The following VIT variants were observed in gnomAD, a reference collection of about 807,000 sequenced individuals.
The protein encoded by VIT is vitrin.
A neutral mutation model predicts 78.0 loss-of-function variants in VIT; 99 were observed. The ratio of observed to expected loss-of-function variants is 1.27; its 90% CI spans 1.08 to 1.50. The LOEUF is 1.50. Ranked by LOEUF, VIT falls within the 40% of genes most tolerant of loss-of-function variation. The pLI is 0.00. For missense variants in VIT, 1,126 were observed against 875.3 expected (o/e 1.29, Z -3.61); for synonymous variants, 374 against 334.3 (o/e 1.12, Z -1.29).
At chr2:36,773,231 T>G (rs555391842) in intron 7 of VIT, among the ~76,000 whole-genome samples, 1 of 152,314 alleles carries the variant, frequency 6.6e-6, no homozygotes, top group South Asian at 2.1e-4. Flanking sequence ...AAATATGGCA[T>G]TTGACTAAAA....
At chr2:36,707,467 A>G (rs1665501055) in intron 1 of VIT, among the ~76,000 whole-genome samples, 1 of 152,192 alleles carries the variant, frequency 6.6e-6, no homozygotes, top group Non-Finnish European at 1.5e-5. Context: ...GACACAGCCC[A>G]CCTGGACTAG....
Position 36,755,048 on chromosome 2 carries a change from G to C in VIT, c.403G>C (p.Val135Leu). The C allele has an allele frequency of 6.2e-7, 1 of 1,613,896 alleles. No individual in the cohort carries two copies. The highest frequency in any genetic ancestry group is 8.5e-7 in the Non-Finnish European group (1 of 1,179,916). The change falls in exon 5 of 16, where the codon GTC (valine) becomes CTC (leucine). Residue 135 changes from valine to leucine, a missense_variant. Coordinates refer to ENST00000379242, the MANE Select transcript of VIT (RefSeq NM_053276.4). ...SLPRWRESFI[V>L]LESKPKKGVT... ...ACCACGATGGAGAGAATCCTTTATC[G>C]TCTTAGGTATGACCACACACTGGAG... is the stretch of plus-strand genomic sequence containing the variant.
At chr2:36,736,464 G>T (rs566627964) in intron 3 of VIT, among the ~76,000 whole-genome samples, 4 of 152,316 alleles carry the variant, frequency 2.6e-5, no homozygotes, top group Non-Finnish European at 4.4e-5. Context: ...GTCCGTGCTA[G>T]AGGGAGAAAA....
intron 7 of VIT, among the ~76,000 whole-genome samples, chr2:36,771,392 G>T (rs1669744566): frequency 6.6e-6 from 1 of 152,034 alleles, no homozygotes; most frequent in Non-Finnish European, 1.5e-5. Flanking sequence ...CAGATGCAGT[G>T]GTGTGCACCT....
intron 13 of VIT, among the ~76,000 whole-genome samples, chr2:36,803,782 A>G (rs940510641): frequency 7.9e-5 from 12 of 152,206 alleles, no homozygotes; most frequent in African/African-American, 2.2e-4. Flanking sequence ...TACTAATCCT[A>G]AAGTCTAAAG....
intron 15 of VIT, among the ~76,000 whole-genome samples, chr2:36,811,670 CT>C (rs1168391003): frequency 2.3e-3 from 334 of 143,146 alleles, no homozygotes; most frequent in South Asian, 4.9e-3. Flanking sequence ...TTCTTTCTTT[CT>C]TTTTTTTTTT....
At chr2:36,755,147 C>T in intron 5 of VIT, 93 bp downstream of exon 5, 4 of 1,342,378 alleles carry the variant, frequency 3.0e-6, no homozygotes, top group Non-Finnish European at 3.0e-6. Flanking sequence ...TATGGCCCAC[C>T]TCATTTCATA....
chr2:36,754,812 T>G, intron 4 of VIT, 109 bp from the exon 5 acceptor site: 1 of 1,302,758 alleles, frequency 7.7e-7, no homozygotes, highest in Non-Finnish European at 1.0e-6. Flanking sequence ...TTGCTTAACC[T>G]TGCTGCTTTC....
intron 1 of VIT, 28 bp from the exon 2 acceptor site, chr2:36,716,322 TATG>T: frequency 6.3e-7 from 1 of 1,592,950 alleles, no homozygotes; most frequent in African/African-American, 1.3e-5. Flanking sequence ...CCGGCTGAAA[TATG>T]ATGACGTTAT....
intron 1 of VIT, among the ~76,000 whole-genome samples, chr2:36,706,708 T>C (rs1435106331): frequency 6.6e-6 from 1 of 152,228 alleles, no homozygotes; most frequent in East Asian, 1.9e-4. Context: ...GCTGAGTCAT[T>C]TACATTTCAG....
At position 36,706,475 on chromosome 2, in the gene VIT, G is replaced by A. The variant is rs1047059881; in HGVS notation, c.-19+9502G>A. Among the ~76,000 whole-genome samples the A allele has an allele frequency of 2.0e-5, 3 of 152,168 alleles. 1 individual carries two copies. The highest frequency in any genetic ancestry group is 4.4e-5 in the Non-Finnish European group (3 of 68,038). On this transcript the variant is annotated intron_variant, in intron 1 of 15. Coordinates refer to ENST00000379242, the MANE Select transcript of VIT (RefSeq NM_053276.4). ...GACTGGAAATAGAACCTGGAAAGTG[G>A]TGAGAAATGAAGGGATCTTCTCCCC...
chr2:36,721,556 C>T (rs1294050501), intron 2 of VIT, among the ~76,000 whole-genome samples: 1 of 152,208 alleles, frequency 6.6e-6, no homozygotes, highest in African/African-American at 2.4e-5. Context: ...CACTCTTGCT[C>T]TCCATGCAAA....
At chr2:36,732,600 C>T (rs1472267879) in intron 3 of VIT, among the ~76,000 whole-genome samples, 1 of 152,014 alleles carries the variant, frequency 6.6e-6, no homozygotes, top group Non-Finnish European at 1.5e-5. Flanking sequence ...AAGGAAGGCA[C>T]ATTATTCACT....
intron 6 of VIT, among the ~76,000 whole-genome samples, chr2:36,762,888 A>G (rs1490025955): frequency 6.6e-6 from 1 of 152,070 alleles, no homozygotes; most frequent in Non-Finnish European, 1.5e-5. Flanking sequence ...TGAGGTTTAA[A>G]TACTGTTCCC....
At chr2:36,748,914 C>T (rs1000320231) in intron 4 of VIT, among the ~76,000 whole-genome samples, 1 of 152,210 alleles carries the variant, frequency 6.6e-6, no homozygotes, top group Non-Finnish European at 1.5e-5. Context: ...AGAAGCACTT[C>T]CCAGCTGTGT....
intron 3 of VIT, among the ~76,000 whole-genome samples, chr2:36,737,920 C>T (rs1481845026): frequency 1.3e-5 from 2 of 152,202 alleles, no homozygotes; most frequent in Non-Finnish European, 2.9e-5. Flanking sequence ...CTTTCTAGCC[C>T]TTCTTCTGAT....
intron 4 of VIT, among the ~76,000 whole-genome samples, chr2:36,750,876 C>G (rs1312581470): frequency 4.6e-5 from 7 of 152,098 alleles, no homozygotes; most frequent in Non-Finnish European, 8.8e-5. Context: ...GTGATTCTCT[C>G]CTTCTAGCAG....
intron 15 of VIT, among the ~76,000 whole-genome samples, chr2:36,811,086 C>T (rs1329108167): frequency 1.3e-5 from 2 of 152,196 alleles, no homozygotes; most frequent in South Asian, 2.1e-4. Flanking sequence ...AGAGTCTTCC[C>T]GGTGACTTAC....
intron 13 of VIT, among the ~76,000 whole-genome samples, chr2:36,803,043 A>G (rs868614156): frequency 2.0e-5 from 3 of 152,204 alleles, no homozygotes; most frequent in Non-Finnish European, 2.9e-5. Context: ...TGCTTTGTCC[A>G]GGAAGCCAGC....
Sources: gnomAD v4.1 joint callset for allele counts (sites outside exome capture counted in the v4.1 genomes callset) on GRCh38, gnomAD v4.1.1 for gene constraint, MANE v1.5 for transcripts, NCBI Gene and HGNC (gene_info 2026-07-23, HGNC 2026-07-21) for gene names.